Variants in GPALPP1 observed in about 807,000 individuals in gnomAD.
GPALPP1 encodes GPALPP motifs containing 1, also known as GPALPP motifs-containing protein 1.
GPALPP1 carries 30 observed loss-of-function variants against 38.9 expected under a neutral mutation model. That is an observed-to-expected ratio of 0.77 (90% CI 0.58 to 1.05). The LOEUF (loss-of-function observed/expected upper bound fraction) is 1.05. Ranked by LOEUF, GPALPP1 falls within the 50% of genes least tolerant of loss-of-function variation. The pLI, the probability that GPALPP1 is intolerant of heterozygous loss-of-function variation, is 0.00. For synonymous variants in GPALPP1, 120 were observed against 139.2 expected, an observed-to-expected ratio of 0.86 and a Z score of 0.97; for missense variants, 384 against 408.8, an observed-to-expected ratio of 0.94 and a Z score of 0.52.
At chr13:45,000,881 A>G (rs530955072) in intron 1 of GPALPP1, among the ~76,000 whole-genome samples, 2 of 152,366 alleles carry the variant, frequency 1.3e-5, no homozygotes, top group African/African-American at 4.8e-5. Context: ...GTAACGCAGC[A>G]TGCCTTAGAG....
At chr13:45,015,187 G>T in intron 5 of GPALPP1, 104 bp downstream of exon 5, 1 of 757,190 alleles carries the variant, frequency 1.3e-6, no homozygotes, top group Non-Finnish European at 1.9e-6. Flanking sequence ...TTGTTTTTAT[G>T]CATAACATTT....
chr13:44,997,516 C>A (rs567518380), intron 1 of GPALPP1, among the ~76,000 whole-genome samples: 1 of 152,252 alleles, frequency 6.6e-6, no homozygotes, highest in East Asian at 1.9e-4. Context: ...ACTAATTTCA[C>A]CTACATTTTA....
In GPALPP1 at chr13:45,014,932, G is replaced by A; in HGVS notation, c.409-20G>A. The A allele has an allele frequency of 6.4e-7, 1 of 1,556,178 alleles. No homozygotes were observed. The highest frequency in any genetic ancestry group is 2.3e-5 in the East Asian group (1 of 43,590). On this transcript the variant is annotated intron_variant, in intron 4 of 7. Transcript: ENST00000379151. ...CTGTAGCTCTGCTCTTGGTTTAAAG[G>A]TAATGTCTTGTTTTAAAAGGAAACA...
At chr13:45,021,494 A>C (rs892561177) in intron 7 of GPALPP1, among the ~76,000 whole-genome samples, 3 of 152,068 alleles carry the variant, frequency 2.0e-5, no homozygotes, top group African/African-American at 7.2e-5. Flanking sequence ...TAACTTAAAA[A>C]CCCACTATGG....
At chr13:45,007,135 T>G (rs557759077) in intron 3 of GPALPP1, among the ~76,000 whole-genome samples, 1 of 152,082 alleles carries the variant, frequency 6.6e-6, no homozygotes, top group South Asian at 2.1e-4. Context: ...TTTTTGAGAG[T>G]AGCTGAAAAA....
chr13:44,996,512 A>G (rs73179699), intron 1 of GPALPP1, among the ~76,000 whole-genome samples: 21,122 of 150,410 alleles, frequency 0.14, 2,365 homozygotes, highest in African/African-American at 0.29. Context: ...TTTAAACAGC[A>G]TCTCACTGTC....
At chr13:45,012,739 T>A (rs970177914) in intron 4 of GPALPP1, among the ~76,000 whole-genome samples, 1 of 152,210 alleles carries the variant, frequency 6.6e-6, no homozygotes, top group African/African-American at 2.4e-5. Context: ...TTGTTTGCCT[T>A]ATAATTTCCC....
intron 4 of GPALPP1, among the ~76,000 whole-genome samples, chr13:45,009,906 A>C (rs1232072664): frequency 6.6e-6 from 1 of 152,146 alleles, no homozygotes; most frequent in Non-Finnish European, 1.5e-5. Context: ...AATAACCATC[A>C]AATTTCACCC....
intron 2 of GPALPP1, 94 bp downstream of exon 2, chr13:45,004,531 C>T (rs569570125): frequency 1.3e-6 from 1 of 757,310 alleles, no homozygotes; most frequent in African/African-American, 1.7e-5. Context: ...ATCATATTTC[C>T]ATTTATACAG....
intron 1 of GPALPP1, 61 bp downstream of exon 1, chr13:44,989,803 G>A: frequency 1.5e-6 from 2 of 1,321,658 alleles, no homozygotes; most frequent in South Asian, 1.2e-5. Flanking sequence ...GCCGGGCCCT[G>A]CTCGCTGAAG....
At chr13:45,015,655 A>C (rs1874815647) in intron 6 of GPALPP1, 59 bp downstream of exon 6, 3 of 1,162,734 alleles carry the variant, frequency 2.6e-6, no homozygotes, top group Admixed American at 2.9e-5. Context: ...GATTTTGAAA[A>C]GATATAATGC....
chr13:45,011,809 T>A (rs574912626), intron 4 of GPALPP1, among the ~76,000 whole-genome samples: 1 of 152,278 alleles, frequency 6.6e-6, no homozygotes, highest in African/African-American at 2.4e-5. Context: ...CTGAAGAATT[T>A]AGGCTAAGTA....
chr13:45,000,885 C>G (rs753119060), intron 1 of GPALPP1, among the ~76,000 whole-genome samples: 1 of 152,158 alleles, frequency 6.6e-6, no homozygotes, highest in East Asian at 1.9e-4. Flanking sequence ...CGCAGCATGC[C>G]TTAGAGTTAT....
At chr13:45,032,271 AAG>A (rs1491050912), downstream of GPALPP1, among the ~76,000 whole-genome samples, 12 of 151,668 alleles carry the variant, frequency 7.9e-5, no homozygotes, top group Admixed American at 2.0e-4. Flanking sequence ...TCTAAAAAAA[AAG>A]AAAAAGAAAA....
chr13:45,016,923 T>G (rs1593399874), intron 6 of GPALPP1, among the ~76,000 whole-genome samples: 1 of 151,394 alleles, frequency 6.6e-6, no homozygotes, highest in African/African-American at 2.4e-5. Context: ...TGAGCCGCTG[T>G]GCGCAGCCTC....
chr13:45,015,033 T>G lies in GPALPP1; in HGVS notation c.490T>G (p.Phe164Val). ...AGTTAACTATAATGTAACGACAGAG[T>G]TTGAAAAAAGGGCCCAGAGAATGAA... ...GPVNYNVTTE[F>V]EKRAQRMKEK... is the part of the protein sequence containing the mutation. The change falls in exon 5 of 8, where the codon TTT becomes GTT. Residue 164 changes from phenylalanine to valine, a missense_variant. Physicochemically the swap from Phe to Val is conservative, Grantham distance 50 (BLOSUM62 -1). Transcript: ENST00000379151. 1 of 1,608,918 alleles carries G rather than the reference T, an allele frequency of 6.2e-7. No individual in the cohort carries two copies. Among genetic ancestry groups the G allele is most frequent in the Non-Finnish European group, 8.5e-7 (1 of 1,176,426 alleles).
chr13:45,007,862 AAG>A (rs1440767425), intron 3 of GPALPP1, among the ~76,000 whole-genome samples: 13 of 152,216 alleles, frequency 8.5e-5, no homozygotes, highest in Non-Finnish European at 1.8e-4. Context: ...AAAAGTGTGA[AAG>A]AGAGCATTTT....
At chr13:45,012,860 A>G in intron 4 of GPALPP1, among the ~76,000 whole-genome samples, 1 of 152,180 alleles carries the variant, frequency 6.6e-6, no homozygotes. Context: ...AAATTAAGAC[A>G]TACACAATAA....
intron 5 of GPALPP1, 52 bp from the exon 6 acceptor site, chr13:45,015,380 A>G (rs11147961): frequency 0.036 from 42,128 of 1,167,236 alleles, 1,376 homozygotes; most frequent in East Asian, 0.13. Flanking sequence ...ATATGTACTC[A>G]TCTTATACAC....
Sources: gnomAD v4.1 joint callset for allele counts (sites outside exome capture counted in the v4.1 genomes callset) on GRCh38, gnomAD v4.1.1 for gene constraint, MANE v1.5 for transcripts, NCBI Gene and HGNC (gene_info 2026-07-23, HGNC 2026-07-21) for gene names.